GALNT2: variants seen among roughly 807,000 people sequenced by gnomAD.
The protein encoded by GALNT2 is polypeptide N-acetylgalactosaminyltransferase 2.
GALNT2 carries 31 observed loss-of-function variants against 81.4 expected under a neutral mutation model. The ratio of observed to expected loss-of-function variants is 0.38; its 90% confidence interval spans 0.29 to 0.51. The LOEUF (loss-of-function observed/expected upper bound fraction) is 0.51. GALNT2 is among the 20% of genes least tolerant of loss of function. The pLI is 0.87. For missense variants in GALNT2, 629 were observed against 765.7 expected, an observed-to-expected ratio of 0.82 and a Z score of 2.11; for synonymous variants, 303 against 287.4, an observed-to-expected ratio of 1.05 and a Z score of -0.55.
intron 2 of GALNT2, among the ~76,000 whole-genome samples, chr1:230,192,179 A>G (rs1663548059): frequency 6.6e-6 from 1 of 152,216 alleles, no homozygotes; most frequent in Non-Finnish European, 1.5e-5. Flanking sequence ...TTCCCCACTT[A>G]AAAGTGAGTT....
chr1:230,173,410 A>G (rs1382975859), intron 1 of GALNT2, among the ~76,000 whole-genome samples: 1 of 152,150 alleles, frequency 6.6e-6, no homozygotes, highest in African/African-American at 2.4e-5. Context: ...TCCCTTGTCT[A>G]CACTTTCCTG....
intron 1 of GALNT2, among the ~76,000 whole-genome samples, chr1:230,107,642 G>GTGTGGT (rs201497295): frequency 6.6e-6 from 1 of 151,684 alleles, no homozygotes; most frequent in African/African-American, 2.4e-5. Flanking sequence ...GTGTGTGTGT[G>GTGTGGT]TGGTTGGTTG....
chr1:230,068,304 G>C (rs1659266320), intron 1 of GALNT2, among the ~76,000 whole-genome samples: 1 of 152,234 alleles, frequency 6.6e-6, no homozygotes, highest in South Asian at 2.1e-4. Context: ...TGAGCGCCGA[G>C]AGGAGCCGGG....
intron 1 of GALNT2, among the ~76,000 whole-genome samples, chr1:230,136,061 G>A (rs74710338): frequency 0.02 from 2,993 of 152,206 alleles, 102 homozygotes; most frequent in African/African-American, 0.069. Flanking sequence ...ATTCTGGAGC[G>A]TTGTCAGGAG....
chr1:230,279,657 C>G lies in GALNT2; in HGVS notation c.*199C>G, dbSNP rs1420990842. ...GGCAAGAAGCGAGAACTGCCCTCCC[C>G]CTCCTCTCGGTGCAGCCCAGCCGGG... On this transcript the variant is annotated 3_prime_UTR_variant, in exon 16 of 16. Transcript: ENST00000366672. The surrounding 1 kb of genome is among the most constrained non-coding windows in gnomAD (Gnocchi z 4.6). The G allele has an allele frequency of 1.5e-6, 1 of 664,078 alleles. No individual in the cohort carries two copies. Among genetic ancestry groups the G allele is most frequent in the South Asian group, 1.9e-5 (1 of 53,262 alleles). 41.1% of individuals were successfully genotyped at this position (664,078 alleles called of 1,614,324 possible). A position where few individuals can be genotyped will look rare whatever the true frequency, so the allele number is the denominator to read the frequency against.
intron 1 of GALNT2, among the ~76,000 whole-genome samples, chr1:230,093,462 C>T (rs1173754407): frequency 1.3e-5 from 2 of 152,202 alleles, no homozygotes; most frequent in Non-Finnish European, 2.9e-5. Context: ...TAGCTTTCTG[C>T]AGTCCTGACC....
chr1:230,080,522 TG>T (rs1659695057), intron 1 of GALNT2, among the ~76,000 whole-genome samples: 1 of 152,150 alleles, frequency 6.6e-6, no homozygotes, highest in African/African-American at 2.4e-5. Flanking sequence ...AAATCCATAC[TG>T]GGGGCTTTGG....
intron 1 of GALNT2, among the ~76,000 whole-genome samples, chr1:230,115,279 C>T (rs1660812073): frequency 1.3e-5 from 2 of 152,160 alleles, no homozygotes; most frequent in Admixed American, 6.5e-5. Context: ...GCTGGGATTA[C>T]AGGAGGGTTC....
At chr1:230,190,523 C>T (rs1208583069) in intron 2 of GALNT2, among the ~76,000 whole-genome samples, 1 of 152,218 alleles carries the variant, frequency 6.6e-6, no homozygotes, top group Non-Finnish European at 1.5e-5. Context: ...TCAGGTCATC[C>T]ACAAGGTGAC....
At chr1:230,180,548 G>T (rs1663129519) in intron 2 of GALNT2, among the ~76,000 whole-genome samples, 1 of 152,028 alleles carries the variant, frequency 6.6e-6, no homozygotes, top group Non-Finnish European at 1.5e-5. Flanking sequence ...AGTAGTGTTA[G>T]TCACCTTTGT....
At chr1:230,196,363 G>C (rs1434777354) in intron 2 of GALNT2, among the ~76,000 whole-genome samples, 1 of 152,186 alleles carries the variant, frequency 6.6e-6, no homozygotes, top group Non-Finnish European at 1.5e-5. Flanking sequence ...TGGATGGCGG[G>C]TCTTTCCAGT....
At chr1:230,116,244 T>A (rs1660843407) in intron 1 of GALNT2, among the ~76,000 whole-genome samples, 1 of 152,220 alleles carries the variant, frequency 6.6e-6, no homozygotes, top group Non-Finnish European at 1.5e-5. Context: ...TTTCTTTTTT[T>A]TTTTGAGACA....
At chr1:230,063,946 TC>T (rs927690227), upstream of GALNT2, among the ~76,000 whole-genome samples, 1 of 152,248 alleles carries the variant, frequency 6.6e-6, no homozygotes, top group African/African-American at 2.4e-5. Flanking sequence ...TCATATTGTT[TC>T]CTATTATAAC....
At chr1:230,112,141 TGCTCCTCCA>T (rs1340268749) in intron 1 of GALNT2, among the ~76,000 whole-genome samples, 1 of 152,240 alleles carries the variant, frequency 6.6e-6, no homozygotes, top group Non-Finnish European at 1.5e-5. Flanking sequence ...ATCTCAGCTC[TGCTCCTCCA>T]GGCCAGGTGG....
chr1:230,277,467 A>C lies in GALNT2; in HGVS notation c.1561-1836A>C, dbSNP rs550364681. On this transcript the variant is annotated intron_variant, in intron 15 of 15. Coordinates refer to ENST00000366672, the MANE Select transcript of GALNT2 (RefSeq NM_004481.5). ...AGAAGATTCCTGGCTGCTCAGAGTAACAGGGCAGCCTCAATACATACACAC... is the reference window on the plus strand; with the variant it reads ...AGAAGATTCCTGGCTGCTCAGAGTACCAGGGCAGCCTCAATACATACACAC... 2.2e-4 allele frequency among the ~76,000 whole-genome samples: 34 copies of C among 152,350 alleles called. 1 individual carries two copies. The East Asian group carries it at 6.5e-3, about 29-fold the overall frequency.
intron 3 of GALNT2, among the ~76,000 whole-genome samples, chr1:230,226,641 G>A (rs978176696): frequency 6.6e-6 from 1 of 152,218 alleles, no homozygotes; most frequent in African/African-American, 2.4e-5. Flanking sequence ...TGCGGAGGCA[G>A]GTGCCTTGAC....
intron 1 of GALNT2, among the ~76,000 whole-genome samples, chr1:230,108,573 G>T (rs1660608988): frequency 6.6e-6 from 1 of 152,210 alleles, no homozygotes; most frequent in Admixed American, 6.5e-5. Context: ...CTTATGATGG[G>T]ATCATGTCCC....
chr1:230,248,525 C>T (rs4846940), intron 8 of GALNT2, among the ~76,000 whole-genome samples: 16,717 of 152,180 alleles, frequency 0.11, 1,898 homozygotes, highest in East Asian at 0.58. Flanking sequence ...CAACCAAGTC[C>T]GGGTACAGGG....
At chr1:230,203,360 T>G in intron 3 of GALNT2, 70 bp downstream of exon 3, 4 of 1,526,516 alleles carry the variant, frequency 2.6e-6, no homozygotes, top group Non-Finnish European at 3.6e-6. Flanking sequence ...CGCTTTCACC[T>G]GTGACACTAG....
Sources: gnomAD v4.1 joint callset for allele counts (sites outside exome capture counted in the v4.1 genomes callset) on GRCh38, gnomAD v4.1.1 for gene constraint, Gnocchi (gnomAD v3.1) non-coding constraint, MANE v1.5 for transcripts, NCBI Gene and HGNC (gene_info 2026-07-23, HGNC 2026-07-21) for gene names.